Variants in DMD observed in about 807,000 individuals in gnomAD.
The protein encoded by DMD is dystrophin, also known as mutant dystrophin.
DMD carries 63 observed loss-of-function variants against 330.1 expected under a neutral mutation model. That is an observed-to-expected ratio of 0.19 (90% CI 0.16 to 0.24). The LOEUF is 0.24. DMD is among the 10% of genes least tolerant of loss of function. DMD has a pLI of 1.00. For missense variants in DMD, 3,344 were observed against 2,684.1 expected, an observed-to-expected ratio of 1.25 and a Z score of -5.43; for synonymous variants, 1,223 against 959.8, an observed-to-expected ratio of 1.27 and a Z score of -5.07.
chrX:32,640,625 A>C lies in DMD; in HGVS notation c.1331+3507T>G, dbSNP rs753476667. Reference sequence around the variant, plus strand: ...ACTTTTACTGTCAAAAGGAAAAAAAAATAGGAACTAAAACTAAACAGAGAA... The same window carrying C: ...ACTTTTACTGTCAAAAGGAAAAAAACATAGGAACTAAAACTAAACAGAGAA... On this transcript the variant is annotated intron_variant, in intron 11 of 78. Coordinates refer to ENST00000357033, the MANE Select transcript of DMD (RefSeq NM_004006.3). Among the ~76,000 whole-genome samples, 3 of 111,378 alleles carry C rather than the reference A, an allele frequency of 2.7e-5. No homozygotes were observed. The East Asian group carries it at 8.4e-4, about 31-fold the overall frequency.
chrX:31,208,262 T>C (rs1255821352), intron 65 of DMD, among the ~76,000 whole-genome samples: 4 of 111,667 alleles, frequency 3.6e-5, no homozygotes, highest in African/African-American at 1.3e-4. Flanking sequence ...AACAAATTCC[T>C]ATCACTGGAA....
chrX:33,083,441 C>T (rs749641478), intron 1 of DMD, among the ~76,000 whole-genome samples: 17 of 111,484 alleles, frequency 1.5e-4, no homozygotes, highest in African/African-American at 4.6e-4. Flanking sequence ...CAGGTGGGGA[C>T]GGATGACCTC....
At chrX:31,756,038 G>A (rs73213848) in intron 51 of DMD, among the ~76,000 whole-genome samples, 13,019 of 109,523 alleles carry the variant, frequency 0.12, 648 homozygotes, top group East Asian at 0.23. Context: ...GAGAGAGAGC[G>A]AGAGATTGAG....
chrX:31,995,420 A>G (rs1390078851), intron 44 of DMD, among the ~76,000 whole-genome samples: 1 of 112,224 alleles, frequency 8.9e-6, no homozygotes, highest in Non-Finnish European at 1.9e-5. Flanking sequence ...TTCAAATTCT[A>G]TAATGAGCAC....
chrX:32,570,460 C>T (rs2052282630), intron 15 of DMD, among the ~76,000 whole-genome samples: 1 of 112,026 alleles, frequency 8.9e-6, no homozygotes, highest in South Asian at 3.7e-4. Context: ...AAATTATTGA[C>T]TTTCTTAAAA....
chrX:32,417,132 G>T (rs888014807), intron 29 of DMD, among the ~76,000 whole-genome samples: 1 of 111,619 alleles, frequency 9.0e-6, no homozygotes, highest in Non-Finnish European at 1.9e-5. Context: ...TTTGGGTATA[G>T]TCTTAAACTG....
At chrX:32,486,937 A>G (rs1359189964) in intron 20 of DMD, among the ~76,000 whole-genome samples, 4 of 110,088 alleles carry the variant, frequency 3.6e-5, no homozygotes, top group African/African-American at 1.3e-4. Flanking sequence ...GGGCATAGGC[A>G]TGGGCAAGGA....
rs1443642838 is a variant in DMD at position 31,840,362 on chromosome X, G to A, written c.7099-3543C>T. On this transcript the variant is annotated intron_variant, in intron 48 of 78. Transcript: ENST00000357033. ...TTCAATTTACAATATGAATATATGT[G>A]TGTGATATACATGTATATACATATA... 2.7e-5 allele frequency among the ~76,000 whole-genome samples: 3 copies of A among 110,506 alleles called. No homozygotes were observed. In the East Asian group the frequency reaches 8.4e-4, roughly 31 times the overall value.
intron 17 of DMD, among the ~76,000 whole-genome samples, chrX:32,527,374 G>A (rs1433652771): frequency 9.0e-6 from 1 of 111,642 alleles, no homozygotes; most frequent in African/African-American, 3.3e-5. Context: ...TCCGAAGTGA[G>A]AAGACATTTT....
intron 60 of DMD, among the ~76,000 whole-genome samples, chrX:31,442,128 A>T (rs1180219630): frequency 8.9e-6 from 1 of 112,029 alleles, no homozygotes; most frequent in African/African-American, 3.2e-5. Flanking sequence ...TCAACAAACC[A>T]CATTTGTATT....
At chrX:33,125,063 T>C (rs1183584977) in intron 1 of DMD, among the ~76,000 whole-genome samples, 2 of 105,559 alleles carry the variant, frequency 1.9e-5, no homozygotes, top group African/African-American at 6.9e-5. Context: ...TTTATTTTTA[T>C]GAAGAAAACC....
At chrX:33,009,609 CACATATGTGT>C (rs2093580695) in intron 2 of DMD, among the ~76,000 whole-genome samples, 2 of 57,044 alleles carry the variant, frequency 3.5e-5, no homozygotes, top group Admixed American at 3.5e-4. Flanking sequence ...TGTGTATATA[CACATATGTGT>C]GTATGTGTGT....
In DMD at chrX:32,908,424, A is replaced by G. The variant is rs187987615; in HGVS notation, c.94-58604T>C. Among the ~76,000 whole-genome samples, 13 of 112,197 alleles carry G rather than the reference A, an allele frequency of 1.2e-4. No individual in the cohort carries two copies. The East Asian group carries it at 3.4e-3, about 29-fold the overall frequency. On this transcript the variant is annotated intron_variant, in intron 2 of 78. Coordinates refer to ENST00000357033, the MANE Select transcript of DMD (RefSeq NM_004006.3). The stretch of plus-strand genomic sequence containing the variant: ...TATTTTTAAAGTACATTTTGCACCA[A>G]ACATTTTAACTTATGAGTAATCAAC...
chrX:31,807,576 G>C (rs781312857), intron 50 of DMD, among the ~76,000 whole-genome samples: 154 of 111,408 alleles, frequency 1.4e-3, no homozygotes, highest in African/African-American at 4.9e-3. Flanking sequence ...AGAAAAGAAC[G>C]TATATATTTC....
chrX:32,188,557 C>A (rs1356467896), intron 44 of DMD, among the ~76,000 whole-genome samples: 1 of 106,425 alleles, frequency 9.4e-6, no homozygotes, highest in African/African-American at 3.4e-5. Context: ...ACTAAAATAT[C>A]CAATCTTATT....
At chrX:31,168,901 T>C (rs2039698473) in intron 74 of DMD, among the ~76,000 whole-genome samples, 1 of 111,927 alleles carries the variant, frequency 8.9e-6, no homozygotes, top group African/African-American at 3.2e-5. Context: ...CTGCTATTTT[T>C]ACATGACTGT....
intron 78 of DMD, 62 bp downstream of exon 78, chrX:31,126,580 C>T (rs772431221): frequency 3.8e-6 from 4 of 1,049,073 alleles, no homozygotes; most frequent in Non-Finnish European, 5.3e-6. Context: ...ACACAAACGC[C>T]AAACATAAAA....
chrX:31,386,790 T>G (rs971341633), intron 60 of DMD, among the ~76,000 whole-genome samples: 6 of 112,192 alleles, frequency 5.3e-5, no homozygotes, highest in African/African-American at 1.9e-4. Context: ...TAGTTGTGAC[T>G]GTCATAATGG....
chrX:32,498,485 T>C (rs1418715593), intron 19 of DMD, among the ~76,000 whole-genome samples: 1 of 110,721 alleles, frequency 9.0e-6, no homozygotes, highest in African/African-American at 3.3e-5. Context: ...AAAGATCACT[T>C]CTACTCTGAC....
Sources: gnomAD v4.1 joint callset for allele counts (sites outside exome capture counted in the v4.1 genomes callset) on GRCh38, gnomAD v4.1.1 for gene constraint, MANE v1.5 for transcripts, NCBI Gene and HGNC (gene_info 2026-07-23, HGNC 2026-07-21) for gene names.